KLF16: variants seen among roughly 807,000 people sequenced by gnomAD.
KLF16 encodes KLF transcription factor 16.
Under a neutral mutation model 6.1 loss-of-function variants are expected in KLF16, and 6 were observed. The observed-to-expected ratio is 0.98, with a 90% CI of 0.54 to 1.93. KLF16 has a LOEUF of 1.93. Ranked by LOEUF, KLF16 falls within the 30% of genes most tolerant of loss-of-function variation. The pLI is 0.01. For missense variants in KLF16, 355 were observed against 363.8 expected (o/e 0.98, Z 0.20); for synonymous variants, 211 against 176.5 (o/e 1.20, Z -1.55).
chr19:1,872,950 C>T, the KLF16 span, among the ~76,000 whole-genome samples: 1 of 152,236 alleles, frequency 6.6e-6, no homozygotes, highest in East Asian at 1.9e-4. Flanking sequence ...CGGCCCTGCA[C>T]TCCCACCTTG....
chr19:1,866,719 T>C (rs886218838), upstream of KLF16, among the ~76,000 whole-genome samples: 1 of 138,412 alleles, frequency 7.2e-6, no homozygotes, highest in African/African-American at 2.8e-5. Context: ...AAGGCTGCAG[T>C]GAGCTGTGAC....
At chr19:1,872,561 C>G in the KLF16 span, among the ~76,000 whole-genome samples, 2 of 152,220 alleles carry the variant, frequency 1.3e-5, no homozygotes, top group Non-Finnish European at 2.9e-5. Flanking sequence ...TTATCCTCCA[C>G]GGACACACAC....
chr19:1,869,132 A>C, the KLF16 span, among the ~76,000 whole-genome samples: 4 of 152,188 alleles, frequency 2.6e-5, no homozygotes, highest in Non-Finnish European at 4.4e-5. Flanking sequence ...GAAAACAGGA[A>C]GCTGGAACAG....
chr19:1,870,560 T>A, the KLF16 span, among the ~76,000 whole-genome samples: 14 of 151,806 alleles, frequency 9.2e-5, no homozygotes, highest in African/African-American at 3.1e-4. Flanking sequence ...TCCCAGGTAA[T>A]TGGGAGGCTG....
At chr19:1,867,907 G>A (rs2012212007), upstream of KLF16, among the ~76,000 whole-genome samples, 1 of 148,348 alleles carries the variant, frequency 6.7e-6, no homozygotes, top group East Asian at 2.0e-4. Context: ...TGCAGCAGAA[G>A]AGGGGGTAAT....
At chr19:1,875,300 G>A in the KLF16 span, 1 of 152,358 alleles carries the variant, frequency 6.6e-6, no homozygotes, top group Non-Finnish European at 1.5e-5. Context: ...AAAGTCTGGT[G>A]CTATAAAACT....
chr19:1,863,174 C>A lies in KLF16; in HGVS notation c.324G>T (p.Ser108=). 1.6e-6 allele frequency: 2 copies of A among 1,243,342 alleles called. No homozygotes were observed. Among genetic ancestry groups the A allele is most frequent in the Non-Finnish European group, 1.0e-6 (1 of 978,776 alleles). 77.0% of individuals were successfully genotyped at this position (1,243,342 alleles called of 1,614,324 possible). ...CGGGGGCGCGGCCCGAGGACGGGGA[C>A]GAGGCGGCTGAGGAGGAGGAGGCGG... ...ASPASSSSAA[S]SPSSGRAPGA... is the part of the protein sequence containing the mutation. Residue 108 remains serine, a synonymous_variant, in exon 1 of 2, where the codon TCG becomes TCT. Coordinates refer to ENST00000250916, the MANE Select transcript of KLF16 (RefSeq NM_031918.4).
chr19:1,859,473 G>A (rs889614036), intron 1 of KLF16, among the ~76,000 whole-genome samples: 7 of 151,996 alleles, frequency 4.6e-5, no homozygotes, highest in African/African-American at 1.5e-4. Context: ...CCTCTGCAAA[G>A]CCCAGCCTGC....
At chr19:1,874,198 G>T in the KLF16 span, among the ~76,000 whole-genome samples, 1 of 152,236 alleles carries the variant, frequency 6.6e-6, no homozygotes, top group African/African-American at 2.4e-5. Context: ...CACGGTGGGA[G>T]AACCAGATAA....
chr19:1,855,576 G>A (rs1040697364), intron 1 of KLF16, among the ~76,000 whole-genome samples: 2 of 152,214 alleles, frequency 1.3e-5, no homozygotes, highest in African/African-American at 2.4e-5. Flanking sequence ...CGCCCATCCT[G>A]CCCCTAACCA....
chr19:1,862,953 C>A, intron 1 of KLF16, 88 bp downstream of exon 1: 1 of 816,444 alleles, frequency 1.2e-6, no homozygotes, highest in Non-Finnish European at 1.5e-6. Flanking sequence ...CTCCCCGCCC[C>A]CCACGCGCCA....
At chr19:1,862,785 C>T (rs2145369954) in intron 1 of KLF16, 1 of 369,066 alleles carries the variant, frequency 2.7e-6, no homozygotes, top group Non-Finnish European at 4.8e-6. Flanking sequence ...CTCAATCCCG[C>T]CCGCAGACCT....
chr19:1,858,171 C>T (rs2011992687), intron 1 of KLF16, among the ~76,000 whole-genome samples: 1 of 152,166 alleles, frequency 6.6e-6, no homozygotes, highest in African/African-American at 2.4e-5. Context: ...TGCCACCTGC[C>T]AGCCAAATCC....
chr19:1,872,624 C>G, the KLF16 span, among the ~76,000 whole-genome samples: 1 of 152,230 alleles, frequency 6.6e-6, no homozygotes, highest in African/African-American at 2.4e-5. Flanking sequence ...AGAATAGGCT[C>G]TGGTCTGGCG....
chr19:1,875,374 A>G, the KLF16 span: 16 of 152,246 alleles, frequency 1.1e-4, no homozygotes, highest in African/African-American at 3.9e-4. Flanking sequence ...TACGTTAAGT[A>G]TAAGAGCCCC....
intron 1 of KLF16, among the ~76,000 whole-genome samples, chr19:1,856,841 C>G (rs1394904921): frequency 6.6e-6 from 1 of 152,100 alleles, no homozygotes; most frequent in African/African-American, 2.4e-5. Flanking sequence ...GGGGAACATC[C>G]CACGGCTGGG....
At chr19:1,861,125 G>A (rs1335451396) in intron 1 of KLF16, among the ~76,000 whole-genome samples, 2 of 152,046 alleles carry the variant, frequency 1.3e-5, no homozygotes, top group Non-Finnish European at 2.9e-5. Context: ...GCCTTCCCAG[G>A]ACTCCAAACC....
chr19:1,868,012 G>A (rs2012215676), upstream of KLF16, among the ~76,000 whole-genome samples: 1 of 151,596 alleles, frequency 6.6e-6, no homozygotes, highest in East Asian at 1.9e-4. Flanking sequence ...TAAGACAGTC[G>A]GGTCTTTGCT....
chr19:1,857,623 G>A lies in KLF16; in HGVS notation c.458-2863C>T, dbSNP rs903905984. ...GGACTGTGCCAAGGGCCCTGGTTCC[G>A]ACAGGGAAGCCTCACCTCCTGAGCT... On this transcript the variant is annotated intron_variant, in intron 1 of 1. Transcript: ENST00000250916. The surrounding 1 kb of genome is among the most constrained non-coding windows in gnomAD (Gnocchi z 4.7). 6.6e-6 allele frequency among the ~76,000 whole-genome samples: 1 copy of A among 152,038 alleles called. No individual in the cohort carries two copies. The highest frequency in any genetic ancestry group is 2.4e-5 in the African/African-American group (1 of 41,402).
Sources: allele counts gnomAD v4.1 joint callset (sites outside exome capture counted in the v4.1 genomes callset), GRCh38; gene constraint gnomAD v4.1.1; non-coding constraint Gnocchi (gnomAD v3.1); transcripts MANE v1.5; gene names NCBI Gene and HGNC (gene_info 2026-07-23, HGNC 2026-07-21).